The following FAM227B variants were observed in gnomAD, a reference collection of about 807,000 sequenced individuals.
FAM227B encodes the protein protein FAM227B.
A neutral mutation model predicts 73.8 loss-of-function variants in FAM227B; 88 were observed. The observed-to-expected ratio is 1.19, with a 90% CI of 1.00 to 1.42. The LOEUF (loss-of-function observed/expected upper bound fraction) is 1.42. Among genes scored for constraint, FAM227B ranks in the 40% most tolerant of loss-of-function variants. The probability of loss-of-function intolerance (pLI) is 0.00; values close to 1 mark genes in which losing one functional copy is unlikely to be tolerated. For synonymous variants in FAM227B, 210 were observed against 190.5 expected (o/e 1.10, Z -0.84); for missense variants, 632 against 590.9 (o/e 1.07, Z -0.72).
At position 49,406,016 on chromosome 15, in the gene FAM227B, A is replaced by C. The variant is rs146326892; in HGVS notation, c.1013-34617T>G. ...ATTTCTGGAAGATTCCAGGGGGCCAACGCTCAGCTCCCAACTCCTGGACTG... is the reference window on the plus strand; with the variant it reads ...ATTTCTGGAAGATTCCAGGGGGCCACCGCTCAGCTCCCAACTCCTGGACTG... On this transcript the variant is annotated intron_variant, in intron 11 of 15. Transcript: ENST00000299338. Among the ~76,000 whole-genome samples the C allele has an allele frequency of 1.3e-4, 20 of 152,314 alleles. No individual in the cohort carries two copies. The East Asian group carries it at 3.9e-3, about 29-fold the overall frequency.
intron 12 of FAM227B, among the ~76,000 whole-genome samples, 200 bp downstream of exon 12, chr15:49,371,102 G>C (rs72727271): frequency 2.9e-4 from 44 of 152,228 alleles, no homozygotes; most frequent in Non-Finnish European, 2.8e-4. Flanking sequence ...CATTAGAAAT[G>C]GGGATATTTT....
In FAM227B at chr15:49,359,422, G is replaced by A. The variant is rs2043779152; in HGVS notation, c.1271+8026C>T. ...AAACAAACAACCCCATCAAATAGTG[G>A]GCGAAGGACATGAACAGACACTTCT... is the stretch of plus-strand genomic sequence containing the variant. On this transcript the variant is annotated intron_variant, in intron 13 of 15. Transcript: ENST00000299338. Among the ~76,000 whole-genome samples, 3 of 119,204 alleles carry A rather than the reference G, an allele frequency of 2.5e-5. No homozygotes were observed. In the South Asian group the frequency reaches 8.3e-4, roughly 33 times the overall value. The allele number at this position is 119,204 out of a possible 152,430, so 78.2% of individuals were successfully genotyped here.
chr15:49,533,832 T>C (rs139396918), intron 10 of FAM227B, among the ~76,000 whole-genome samples: 1,958 of 151,998 alleles, frequency 0.013, 21 homozygotes, highest in Middle Eastern at 0.031. Context: ...AGCCCCTCTC[T>C]ATCTTTTGAT....
intron 3 of FAM227B, among the ~76,000 whole-genome samples, chr15:49,590,732 A>G (rs749402107): frequency 3.9e-5 from 6 of 152,160 alleles, no homozygotes; most frequent in Non-Finnish European, 8.8e-5. Context: ...ACCATACATT[A>G]TTATTAACTG....
intron 9 of FAM227B, among the ~76,000 whole-genome samples, chr15:49,563,129 T>C (rs1056557513): frequency 6.6e-6 from 1 of 152,192 alleles, no homozygotes; most frequent in Non-Finnish European, 1.5e-5. Context: ...GTAAGACTGA[T>C]AAACAACTCC....
intron 11 of FAM227B, among the ~76,000 whole-genome samples, chr15:49,423,810 A>G (rs11631040): frequency 0.26 from 38,951 of 151,944 alleles, 5,346 homozygotes; most frequent in East Asian, 0.44. Flanking sequence ...TGAATGGTAC[A>G]GTCATATTCT....
intron 3 of FAM227B, among the ~76,000 whole-genome samples, chr15:49,608,019 C>T (rs1200758468): frequency 2.6e-5 from 4 of 152,154 alleles, no homozygotes; most frequent in Admixed American, 2.6e-4. Flanking sequence ...AGCTAACAGG[C>T]AGATTAGCTG....
chr15:49,410,180 G>GC (rs1490383971), intron 11 of FAM227B, among the ~76,000 whole-genome samples: 1 of 152,136 alleles, frequency 6.6e-6, no homozygotes, highest in Non-Finnish European at 1.5e-5. Flanking sequence ...TTCTTCAAGT[G>GC]GAAATTTGTC....
At chr15:49,380,613 C>T (rs1484647000) in intron 11 of FAM227B, among the ~76,000 whole-genome samples, 1 of 152,080 alleles carries the variant, frequency 6.6e-6, no homozygotes, top group East Asian at 1.9e-4. Context: ...TTGATGCATG[C>T]CATTAAAATC....
chr15:49,544,785 T>C (rs2071583604), intron 9 of FAM227B, among the ~76,000 whole-genome samples: 1 of 152,168 alleles, frequency 6.6e-6, no homozygotes, highest in African/African-American at 2.4e-5. Flanking sequence ...AATTTTGTTT[T>C]TGTGATGTAT....
rs938623940 is a variant in FAM227B, at chr15:49,444,981, T to C, written c.1012+63230A>G. On this transcript the variant is annotated intron_variant, in intron 11 of 15. Coordinates refer to ENST00000299338, the MANE Select transcript of FAM227B (RefSeq NM_152647.3). ...ACAAATATTCATGTATTCATATTCATTCTGATTCATATTCATATATTCATA... is the reference window on the plus strand; with the variant it reads ...ACAAATATTCATGTATTCATATTCACTCTGATTCATATTCATATATTCATA... Among the ~76,000 whole-genome samples the C allele has an allele frequency of 4.6e-5, 7 of 151,680 alleles. 1 individual carries two copies. Among genetic ancestry groups the C allele is most frequent in the African/African-American group, 1.7e-4 (7 of 41,396 alleles).
intron 11 of FAM227B, among the ~76,000 whole-genome samples, chr15:49,471,439 C>A (rs1392500594): frequency 6.6e-6 from 1 of 150,430 alleles, no homozygotes; most frequent in Non-Finnish European, 1.5e-5. Context: ...ACCTAGATGG[C>A]GCCACTGCAC....
At chr15:49,413,657 C>A (rs1483696022) in intron 11 of FAM227B, among the ~76,000 whole-genome samples, 2 of 151,942 alleles carry the variant, frequency 1.3e-5, no homozygotes, top group Non-Finnish European at 2.9e-5. Flanking sequence ...ATGATTATAC[C>A]CATTATACTT....
rs145917213 is a variant in FAM227B, at chr15:49,430,494, G to C, written c.1013-59095C>G. Among the ~76,000 whole-genome samples, 986 of 151,916 alleles carry C rather than the reference G, an allele frequency of 6.5e-3. 6 individuals are homozygous for C. The highest frequency in any genetic ancestry group is 8.1e-3 in the Non-Finnish European group (553 of 67,872). On this transcript the variant is annotated intron_variant, in intron 11 of 15. Transcript: ENST00000299338. ...GGGGGAGAGAACCACAATTCTAGAG[G>C]GTTGGCTTAGTCTGCTTTGTGTTGA...
In FAM227B at chr15:49,415,092, T is replaced by C. The variant is rs114589893; in HGVS notation, c.1013-43693A>G. ...TTACTCTGCCTCTTTTTCTCACTTTTGAACATGCTTTGAAAGCTAATGAAT... is the reference window on the plus strand; with the variant it reads ...TTACTCTGCCTCTTTTTCTCACTTTCGAACATGCTTTGAAAGCTAATGAAT... On this transcript the variant is annotated intron_variant, in intron 11 of 15. Coordinates refer to ENST00000299338, the MANE Select transcript of FAM227B (RefSeq NM_152647.3). Among the ~76,000 whole-genome samples the C allele has an allele frequency of 8.8e-3, 1,336 of 152,316 alleles. 24 individuals are homozygous for C. Among genetic ancestry groups the C allele is most frequent in the African/African-American group, 0.031 (1,277 of 41,562 alleles).
chr15:49,489,869 TATATATATATATATAGAGAGAGAG>T, intron 11 of FAM227B, among the ~76,000 whole-genome samples: 1 of 15,364 alleles, frequency 6.5e-5, no homozygotes, highest in Non-Finnish European at 1.5e-4. Flanking sequence ...TTTATATATA[TATATATATATATATAGAGAGAGAG>T]AGAGAGAGAG....
At chr15:49,433,599 C>T (rs2050813451) in intron 11 of FAM227B, among the ~76,000 whole-genome samples, 1 of 151,580 alleles carries the variant, frequency 6.6e-6, no homozygotes, top group Non-Finnish European at 1.5e-5. Context: ...AAAAAAATGG[C>T]CTCCAGAACC....
intron 13 of FAM227B, among the ~76,000 whole-genome samples, chr15:49,364,019 G>A (rs1026817377): frequency 6.6e-6 from 1 of 152,146 alleles, no homozygotes. Context: ...CCGTTCGCTA[G>A]TATTTTGTTG....
intron 13 of FAM227B, among the ~76,000 whole-genome samples, chr15:49,361,033 A>G (rs2044135750): frequency 6.6e-6 from 1 of 152,122 alleles, no homozygotes; most frequent in South Asian, 2.1e-4. Context: ...GTTGCGGAAT[A>G]GGGAGGTTTT....
Sources: allele counts gnomAD v4.1 joint callset (sites outside exome capture counted in the v4.1 genomes callset), GRCh38; gene constraint gnomAD v4.1.1; transcripts MANE v1.5; gene names NCBI Gene and HGNC (gene_info 2026-07-23, HGNC 2026-07-21).